The following GALNT2 variants were observed in gnomAD, a reference collection of about 807,000 sequenced individuals.
The protein encoded by GALNT2 is polypeptide N-acetylgalactosaminyltransferase 2, also known as UDP-GalNAc:polypeptide N-acetylgalactosaminyltransferase 2.
GALNT2 carries 31 observed loss-of-function variants against 81.4 expected under a neutral mutation model. The ratio of observed to expected loss-of-function variants is 0.38; its 90% CI spans 0.29 to 0.51. The LOEUF is 0.51. Ranked by LOEUF, GALNT2 falls within the 20% of genes least tolerant of loss-of-function variation. The pLI is 0.87. For missense variants in GALNT2, 629 were observed against 765.7 expected, an observed-to-expected ratio of 0.82 and a Z score of 2.11; for synonymous variants, 303 against 287.4, an observed-to-expected ratio of 1.05 and a Z score of -0.55.
At chr1:230,276,328 A>G (rs1415294841) in intron 15 of GALNT2, among the ~76,000 whole-genome samples, 1 of 152,106 alleles carries the variant, frequency 6.6e-6, no homozygotes, top group African/African-American at 2.4e-5. Context: ...TAGAAATGCA[A>G]GCACAAAAGG....
chr1:230,104,723 A>C (rs1450736346), intron 1 of GALNT2, among the ~76,000 whole-genome samples: 1 of 152,210 alleles, frequency 6.6e-6, no homozygotes, highest in African/African-American at 2.4e-5. Context: ...TAGGAGGGCG[A>C]TCCCGTTCCT....
chr1:230,224,643 C>CA (rs753480127), intron 3 of GALNT2, among the ~76,000 whole-genome samples: 2 of 152,204 alleles, frequency 1.3e-5, no homozygotes, highest in African/African-American at 4.8e-5. Flanking sequence ...GGAGAATACT[C>CA]ACGTATTCTG....
At chr1:230,276,496 CAG>C (rs1206098487) in intron 15 of GALNT2, among the ~76,000 whole-genome samples, 2 of 152,168 alleles carry the variant, frequency 1.3e-5, no homozygotes, top group Non-Finnish European at 2.9e-5. Flanking sequence ...AGAAAAGTCT[CAG>C]AAAGTCATTG....
chr1:230,236,324 A>G lies in GALNT2; in HGVS notation c.474-29A>G, dbSNP rs748928473. ...AAAAGTTTATACCCCTAAAAGACCT[A>G]TAAACTTTATCTTCTTGTCTTTTCT... is the stretch of plus-strand genomic sequence containing the variant. On this transcript the variant is annotated intron_variant, in intron 4 of 15. Coordinates refer to ENST00000366672, the MANE Select transcript of GALNT2 (RefSeq NM_004481.5). 4.4e-6 allele frequency: 7 copies of G among 1,608,400 alleles called. No individual in the cohort carries two copies. In the East Asian group the frequency reaches 8.9e-5, roughly 20 times the overall value.
intron 11 of GALNT2, among the ~76,000 whole-genome samples, chr1:230,261,367 G>T (rs1665872547): frequency 6.6e-6 from 1 of 152,168 alleles, no homozygotes; most frequent in Non-Finnish European, 1.5e-5. Context: ...TCAGTTGAAA[G>T]TTTCGCCATT....
rs986521246 is a variant in GALNT2 at position 230,257,342 on chromosome 1, C to A, written c.1136+1998C>A. ...AGCAAGGGTCCTGTGAGCACTGTTG[C>A]AGTAGCCCAGGCCAGAGATGTGATA... On this transcript the variant is annotated intron_variant, in intron 11 of 15. Coordinates refer to ENST00000366672, the MANE Select transcript of GALNT2 (RefSeq NM_004481.5). This position sits in a 1 kb window ranked among gnomAD's most constrained non-coding sequence, Gnocchi z 4.6. 2.0e-5 allele frequency among the ~76,000 whole-genome samples: 3 copies of A among 152,216 alleles called. No individual in the cohort carries two copies. Among genetic ancestry groups the A allele is most frequent in the Admixed American group, 6.5e-5 (1 of 15,284 alleles).
At chr1:230,205,019 C>G (rs1039941116) in intron 3 of GALNT2, among the ~76,000 whole-genome samples, 1 of 152,096 alleles carries the variant, frequency 6.6e-6, no homozygotes, top group African/African-American at 2.4e-5. Flanking sequence ...GGTGGGGACA[C>G]CCAGGAAGAA....
intron 3 of GALNT2, among the ~76,000 whole-genome samples, chr1:230,224,624 C>CAAA: frequency 6.6e-6 from 1 of 152,232 alleles, no homozygotes; most frequent in Non-Finnish European, 1.5e-5. Flanking sequence ...ATGTTTTTCC[C>CAAA]CTTCTGTTGG....
chr1:230,075,121 C>CTT (rs34482749), intron 1 of GALNT2, among the ~76,000 whole-genome samples: 46,655 of 92,494 alleles, frequency 0.5, 13,945 homozygotes, highest in Non-Finnish European at 0.63. Context: ...GTCTGTTTTG[C>CTT]TTTTTTTTTT....
At chr1:230,160,558 A>T (rs576600026) in intron 1 of GALNT2, among the ~76,000 whole-genome samples, 1 of 152,196 alleles carries the variant, frequency 6.6e-6, no homozygotes, top group South Asian at 2.1e-4. Context: ...CTAAAAATAT[A>T]AAAAAATTAG....
At chr1:230,100,103 TA>T (rs1660358311) in intron 1 of GALNT2, among the ~76,000 whole-genome samples, 1 of 152,182 alleles carries the variant, frequency 6.6e-6, no homozygotes, top group African/African-American at 2.4e-5. Flanking sequence ...ATGAATGGTT[TA>T]AAAAATGAAG....
chr1:230,194,595 C>G (rs763869979), intron 2 of GALNT2, among the ~76,000 whole-genome samples: 58 of 152,232 alleles, frequency 3.8e-4, no homozygotes, highest in Non-Finnish European at 5.7e-4. Flanking sequence ...AGGAATCTCC[C>G]TTCCTCTTGC....
In GALNT2 at chr1:230,274,488, T is replaced by C. The variant is rs760917633; in HGVS notation, c.1484T>C (p.Leu495Ser). Residue 495 changes from leucine (L) to serine (S), a missense_variant, in exon 15 of 16, where the codon TTG (leucine) becomes TCG (serine). Around this residue, in one of 3 missense-constraint regions of GALNT2, gnomAD observed 207 missense variants for 225.5 expected, o/e 0.92. Transcript: ENST00000366672. ...GAGAAGTCGGTGAAGCACATGGATT[T>C]GTGCCTTACTGTGGTGGACCGGGCA... is the stretch of plus-strand genomic sequence containing the variant. ...TKEKSVKHMD[L>S]CLTVVDRAPG... 6.2e-7 allele frequency: 1 copy of C among 1,613,918 alleles called. No homozygotes were observed. The highest frequency in any genetic ancestry group is 1.1e-5 in the South Asian group (1 of 91,010).
chr1:230,105,674 C>A (rs1423324947), intron 1 of GALNT2, among the ~76,000 whole-genome samples: 1 of 152,128 alleles, frequency 6.6e-6, no homozygotes, highest in African/African-American at 2.4e-5. Flanking sequence ...AAAGTGAGGG[C>A]GTCTGTCGGT....
At chr1:230,137,140 A>T (rs561107080) in intron 1 of GALNT2, among the ~76,000 whole-genome samples, 2 of 152,270 alleles carry the variant, frequency 1.3e-5, no homozygotes, top group South Asian at 2.1e-4. Flanking sequence ...CCCCGCCTGC[A>T]CCCAATAAGC....
chr1:230,278,219 A>G (rs1049506374), intron 15 of GALNT2, among the ~76,000 whole-genome samples: 22 of 151,034 alleles, frequency 1.5e-4, no homozygotes, highest in Non-Finnish European at 3.2e-4. Flanking sequence ...CCTGTGCCCA[A>G]GCGATCCTCC....
At chr1:230,269,209 G>A (rs1224456042) in intron 14 of GALNT2, among the ~76,000 whole-genome samples, 3 of 129,516 alleles carry the variant, frequency 2.3e-5, no homozygotes, top group South Asian at 2.5e-4. Context: ...TTTTTGAGAC[G>A]GAGTTTGGCT....
intron 3 of GALNT2, among the ~76,000 whole-genome samples, chr1:230,226,797 G>T (rs1664728672): frequency 1.3e-5 from 2 of 152,236 alleles, no homozygotes; most frequent in African/African-American, 4.8e-5. Context: ...TGTAGAATTT[G>T]CTTGGATTTT....
At chr1:230,062,713 A>G (rs1659077446), upstream of GALNT2, among the ~76,000 whole-genome samples, 1 of 152,150 alleles carries the variant, frequency 6.6e-6, no homozygotes, top group African/African-American at 2.4e-5. Flanking sequence ...GGGCTGAATA[A>G]TATTCCATTG....
Sources: gnomAD v4.1 joint callset for allele counts (sites outside exome capture counted in the v4.1 genomes callset) on GRCh38, gnomAD v4.1.1 for gene constraint, gnomAD v4.1.1 regional missense constraint, Gnocchi (gnomAD v3.1) non-coding constraint, MANE v1.5 for transcripts, NCBI Gene and HGNC (gene_info 2026-07-23, HGNC 2026-07-21) for gene names.